The following KIF16B variants were observed in gnomAD, a reference collection of about 807,000 sequenced individuals.
The protein encoded by KIF16B is kinesin family member 16B, also known as kinesin-like protein KIF16B.
In KIF16B, 98 loss-of-function variants were observed where a neutral mutation model predicts 156.3. The observed-to-expected ratio is 0.63, with a 90% CI of 0.53 to 0.74. KIF16B has a LOEUF of 0.74. Among genes scored for constraint, KIF16B ranks in the 30% least tolerant of loss-of-function variants. The probability of loss-of-function intolerance (pLI) is 0.00; values close to 1 mark genes in which losing one functional copy is unlikely to be tolerated. For synonymous variants in KIF16B, 564 were observed against 583.7 expected (o/e 0.97, Z 0.49); for missense variants, 1,421 against 1,606.5 (o/e 0.88, Z 1.97).
chr20:16,535,343 AT>A (rs1481260376), intron 1 of KIF16B, among the ~76,000 whole-genome samples: 1 of 152,182 alleles, frequency 6.6e-6, no homozygotes, highest in Non-Finnish European at 1.5e-5. Flanking sequence ...ATGTTGATTT[AT>A]CCTGCAACTT....
At chr20:16,549,970 T>C (rs2070575412) in intron 1 of KIF16B, among the ~76,000 whole-genome samples, 1 of 70,308 alleles carries the variant, frequency 1.4e-5, no homozygotes, top group Non-Finnish European at 2.6e-5. Flanking sequence ...CCAAAAGCAA[T>C]GGCAACAAAA....
chr20:16,367,882 G>C, intron 22 of KIF16B: 1 of 1,531,018 alleles, frequency 6.5e-7, no homozygotes, highest in South Asian at 1.3e-5. Context: ...ACCCTCTGCA[G>C]AGCTCAGGAA....
chr20:16,298,033 A>G (rs1169401488), intron 25 of KIF16B, among the ~76,000 whole-genome samples: 2 of 152,170 alleles, frequency 1.3e-5, no homozygotes, highest in African/African-American at 4.8e-5. Context: ...GATCAGGTCC[A>G]AAGTCATGGA....
At chr20:16,548,973 GTAAA>G (rs1414932740) in intron 1 of KIF16B, among the ~76,000 whole-genome samples, 4 of 149,804 alleles carry the variant, frequency 2.7e-5, no homozygotes, top group Non-Finnish European at 5.9e-5. Context: ...TTTAAATAAA[GTAAA>G]TAAAGGAAAA....
intron 25 of KIF16B, among the ~76,000 whole-genome samples, chr20:16,275,778 G>A (rs1355261489): frequency 1.3e-5 from 2 of 152,200 alleles, no homozygotes; most frequent in Non-Finnish European, 2.9e-5. Flanking sequence ...GGCAAAGAGA[G>A]ACCTGACTTC....
At chr20:16,529,244 G>A (rs1327134476) in intron 1 of KIF16B, among the ~76,000 whole-genome samples, 2 of 152,214 alleles carry the variant, frequency 1.3e-5, no homozygotes, top group African/African-American at 4.8e-5. Flanking sequence ...AAGGATAGAA[G>A]CTAGATTTCT....
At chr20:16,523,213 G>C (rs145113266) in intron 3 of KIF16B, among the ~76,000 whole-genome samples, 21 of 152,032 alleles carry the variant, frequency 1.4e-4, no homozygotes, top group Non-Finnish European at 2.6e-4. Context: ...AGAAACAATG[G>C]GTATTCGAAT....
chr20:16,348,658 G>A (rs1432719686), intron 23 of KIF16B, among the ~76,000 whole-genome samples: 1 of 152,144 alleles, frequency 6.6e-6, no homozygotes, highest in Non-Finnish European at 1.5e-5. Flanking sequence ...GCTAATTAGT[G>A]TTAAATACAG....
At chr20:16,494,126 CA>C (rs2068376941) in intron 12 of KIF16B, among the ~76,000 whole-genome samples, 164 bp downstream of exon 12, 1 of 151,676 alleles carries the variant, frequency 6.6e-6, no homozygotes, top group African/African-American at 2.4e-5. Context: ...TCTCACTCTT[CA>C]AAATCAAACC....
chr20:16,456,631 T>C (rs1296685420), intron 12 of KIF16B, among the ~76,000 whole-genome samples: 1 of 152,144 alleles, frequency 6.6e-6, no homozygotes, highest in East Asian at 1.9e-4. Flanking sequence ...CCAAATTACA[T>C]AAGTGGTAAA....
intron 25 of KIF16B, among the ~76,000 whole-genome samples, chr20:16,279,025 T>C (rs1431109540): frequency 1.3e-5 from 2 of 152,194 alleles, no homozygotes; most frequent in African/African-American, 2.4e-5. Flanking sequence ...GCTCACGCTC[T>C]TCTACAGGGA....
chr20:16,281,676 G>A (rs933994668), intron 25 of KIF16B, among the ~76,000 whole-genome samples: 6 of 152,140 alleles, frequency 3.9e-5, no homozygotes, highest in South Asian at 2.1e-4. Flanking sequence ...GGACAGCTTG[G>A]TTTGGGTAAC....
At chr20:16,445,810 C>A (rs998705517) in intron 12 of KIF16B, among the ~76,000 whole-genome samples, 7 of 152,132 alleles carry the variant, frequency 4.6e-5, no homozygotes, top group Non-Finnish European at 7.3e-5. Flanking sequence ...TGAGAAACTT[C>A]AGTGCAATTT....
intron 12 of KIF16B, among the ~76,000 whole-genome samples, chr20:16,456,141 A>ACAATACAATG (rs2067207913): frequency 6.6e-6 from 1 of 151,806 alleles, no homozygotes. Flanking sequence ...ACAATACAAT[A>ACAATACAATG]CAATACAATA....
intron 6 of KIF16B, 47 bp from the exon 7 acceptor site, chr20:16,508,147 GA>G: frequency 6.3e-7 from 1 of 1,592,936 alleles, no homozygotes; most frequent in Non-Finnish European, 8.6e-7. Context: ...TAATATATAG[GA>G]AATGGAATAC....
chr20:16,425,089 G>C (rs2066319088), intron 15 of KIF16B, among the ~76,000 whole-genome samples: 1 of 152,088 alleles, frequency 6.6e-6, no homozygotes, highest in Non-Finnish European at 1.5e-5. Flanking sequence ...TGACACTCCA[G>C]TAGCAATGAA....
chr20:16,295,885 A>T (rs1320017051), intron 25 of KIF16B, among the ~76,000 whole-genome samples: 1 of 152,250 alleles, frequency 6.6e-6, no homozygotes, highest in Non-Finnish European at 1.5e-5. Flanking sequence ...CACGAATTTC[A>T]AAACTATTTT....
intron 1 of KIF16B, among the ~76,000 whole-genome samples, chr20:16,529,966 G>A (rs954158210): frequency 2.8e-4 from 43 of 152,082 alleles, no homozygotes; most frequent in African/African-American, 9.9e-4. Flanking sequence ...AGAAAAAACT[G>A]TAGTCCTGAA....
chr20:16,394,809 C>A (rs1168038168), intron 17 of KIF16B, among the ~76,000 whole-genome samples: 1 of 152,106 alleles, frequency 6.6e-6, no homozygotes, highest in Non-Finnish European at 1.5e-5. Flanking sequence ...GGAATGTGGT[C>A]TTCTTCCCTC....
Sources: allele counts gnomAD v4.1 joint callset (sites outside exome capture counted in the v4.1 genomes callset), GRCh38; gene constraint gnomAD v4.1.1; transcripts MANE v1.5; gene names NCBI Gene and HGNC (gene_info 2026-07-23, HGNC 2026-07-21).